Variants in KCNIP4 observed in about 807,000 individuals in gnomAD.
KCNIP4 encodes potassium voltage-gated channel interacting protein 4, also known as Kv channel-interacting protein 4.
A neutral mutation model predicts 34.0 loss-of-function variants in KCNIP4; 12 were observed. The ratio of observed to expected loss-of-function variants is 0.35; its 90% CI spans 0.23 to 0.57. KCNIP4 has a LOEUF of 0.57. Among genes scored for constraint, KCNIP4 ranks in the 20% least tolerant of loss-of-function variants. The pLI is 0.83. For missense variants in KCNIP4, 238 were observed against 311.7 expected (o/e 0.76, Z 1.78); for synonymous variants, 124 against 102.2 (o/e 1.21, Z -1.29).
At chr4:21,630,572 T>G (rs1411081988) in intron 1 of KCNIP4, among the ~76,000 whole-genome samples, 1 of 152,204 alleles carries the variant, frequency 6.6e-6, no homozygotes, top group East Asian at 1.9e-4. Context: ...TCTGCTTTTT[T>G]CTCTTTCCCC....
intron 1 of KCNIP4, among the ~76,000 whole-genome samples, chr4:21,222,917 G>C (rs1758085051): frequency 6.6e-6 from 1 of 152,184 alleles, no homozygotes; most frequent in Non-Finnish European, 1.5e-5. Flanking sequence ...AAGTTTTCAG[G>C]CATTGTGGTG....
chr4:21,460,273 T>G (rs565470827), intron 1 of KCNIP4, among the ~76,000 whole-genome samples: 22 of 152,136 alleles, frequency 1.4e-4, no homozygotes, highest in African/African-American at 4.8e-4. Context: ...ATTCATGGTT[T>G]TTCTCTCACC....
intron 1 of KCNIP4, among the ~76,000 whole-genome samples, chr4:21,723,569 A>G (rs1445030849): frequency 6.6e-6 from 1 of 152,110 alleles, no homozygotes; most frequent in Non-Finnish European, 1.5e-5. Flanking sequence ...AGACAAGGTT[A>G]AAAAAGCACA....
At chr4:21,059,897 C>A (rs1489696016) in intron 1 of KCNIP4, among the ~76,000 whole-genome samples, 1 of 151,864 alleles carries the variant, frequency 6.6e-6, no homozygotes, top group Non-Finnish European at 1.5e-5. Flanking sequence ...TGAAACCTGG[C>A]CCTTGTCTTA....
chr4:21,096,061 ACTAT>A (rs1462877007), intron 1 of KCNIP4, among the ~76,000 whole-genome samples: 1 of 152,160 alleles, frequency 6.6e-6, no homozygotes, highest in Non-Finnish European at 1.5e-5. Context: ...AAACCCACAA[ACTAT>A]CTGGGGAGAT....
rs551182752 is a variant in KCNIP4 at position 21,822,911 on chromosome 4, G to T, written c.61+125660C>A. Among the ~76,000 whole-genome samples, 39 of 151,914 alleles carry T rather than the reference G, an allele frequency of 2.6e-4. No individual in the cohort carries two copies. In the Middle Eastern group the frequency reaches 0.01, roughly 40 times the overall value. ...TTTTGTAGTTTTAGTAGAGACAGGGGTTTCACCATGTTGGCCAGGCTGGTC... is the reference window on the plus strand; with the variant it reads ...TTTTGTAGTTTTAGTAGAGACAGGGTTTTCACCATGTTGGCCAGGCTGGTC... On this transcript the variant is annotated intron_variant, in intron 1 of 8. Coordinates refer to ENST00000382152, the MANE Select transcript of KCNIP4 (RefSeq NM_025221.6).
chr4:20,753,838 A>G (rs995091035), intron 4 of KCNIP4, among the ~76,000 whole-genome samples: 1 of 152,178 alleles, frequency 6.6e-6, no homozygotes, highest in Admixed American at 6.5e-5. Context: ...CATCTGACTC[A>G]AGTGACTTGC....
Position 21,870,959 on chromosome 4 carries a change from G to GA in KCNIP4, c.61+77611dup, listed in dbSNP as rs1213462942. Reference sequence around the variant, plus strand: ...AGCTAACTAAATTCAAATCGAGTAAGAAAAAAATACCAAATACTAGTAAAG... The same window carrying GA: ...AGCTAACTAAATTCAAATCGAGTAAGAAAAAAAATACCAAATACTAGTAAAG... On this transcript the variant is annotated intron_variant, in intron 1 of 8. Transcript: ENST00000382152. Among the ~76,000 whole-genome samples the GA allele has an allele frequency of 2.0e-5, 3 of 151,694 alleles. No individual in the cohort carries two copies. In the East Asian group the frequency reaches 5.8e-4, roughly 29 times the overall value.
intron 1 of KCNIP4, among the ~76,000 whole-genome samples, chr4:21,383,587 G>C (rs1262177776): frequency 6.6e-6 from 1 of 151,928 alleles, no homozygotes; most frequent in African/African-American, 2.4e-5. Context: ...CAGGATGACA[G>C]TGTGAGGATC....
intron 1 of KCNIP4, among the ~76,000 whole-genome samples, chr4:21,212,210 A>G (rs76485027): frequency 0.014 from 2,154 of 152,318 alleles, 55 homozygotes; most frequent in African/African-American, 0.049. Context: ...AAGAAACTGC[A>G]CTATGAGAAG....
intron 1 of KCNIP4, among the ~76,000 whole-genome samples, chr4:21,167,184 A>T (rs1038995763): frequency 6.6e-6 from 1 of 152,102 alleles, no homozygotes; most frequent in South Asian, 2.1e-4. Flanking sequence ...TAGAAAACAG[A>T]CCCATGTTTT....
chr4:20,979,655 C>T (rs1735876988), intron 1 of KCNIP4, among the ~76,000 whole-genome samples: 2 of 152,012 alleles, frequency 1.3e-5, no homozygotes, highest in South Asian at 2.1e-4. Flanking sequence ...GCCTCGGCCT[C>T]CCAAAGTGCT....
At chr4:21,341,300 C>A (rs956382465) in intron 1 of KCNIP4, among the ~76,000 whole-genome samples, 4 of 152,044 alleles carry the variant, frequency 2.6e-5, no homozygotes, top group South Asian at 2.1e-4. Flanking sequence ...TTTTTTACAG[C>A]AGCCTAGGAA....
intron 1 of KCNIP4, among the ~76,000 whole-genome samples, chr4:21,637,803 A>C (rs1375037440): frequency 7.1e-6 from 1 of 141,838 alleles, no homozygotes; most frequent in Non-Finnish European, 1.5e-5. Flanking sequence ...AAAAAAAAAA[A>C]AGATGAGAAA....
Position 21,454,142 on chromosome 4 carries a change from T to C in KCNIP4, c.61+494429A>G, listed in dbSNP as rs568482982. Among the ~76,000 whole-genome samples, 14 of 152,204 alleles carry C rather than the reference T, an allele frequency of 9.2e-5. No homozygotes were observed. The East Asian group carries it at 2.7e-3, about 30-fold the overall frequency. On this transcript the variant is annotated intron_variant, in intron 1 of 8. Coordinates refer to ENST00000382152, the MANE Select transcript of KCNIP4 (RefSeq NM_025221.6). ...AGAATCTCACAGGGTAAGGCACCTC[T>C]ATCATTAAGCTAAAAATCCCATTTT... is the stretch of plus-strand genomic sequence containing the variant.
intron 1 of KCNIP4, among the ~76,000 whole-genome samples, chr4:21,809,748 T>C (rs1450952208): frequency 6.6e-6 from 1 of 152,200 alleles, no homozygotes; most frequent in East Asian, 1.9e-4. Context: ...ACTCTACACA[T>C]GAACTTTACA....
At chr4:21,267,919 G>A (rs939601587) in intron 1 of KCNIP4, among the ~76,000 whole-genome samples, 2 of 151,596 alleles carry the variant, frequency 1.3e-5, no homozygotes, top group African/African-American at 4.9e-5. Flanking sequence ...GTTTCAGAAG[G>A]AATGGTACCA....
At chr4:21,774,933 A>G (rs1440132196) in intron 1 of KCNIP4, among the ~76,000 whole-genome samples, 1 of 152,136 alleles carries the variant, frequency 6.6e-6, no homozygotes, top group East Asian at 1.9e-4. Context: ...CCATCTTCTG[A>G]AGCCTACTTC....
intron 1 of KCNIP4, among the ~76,000 whole-genome samples, chr4:21,585,584 A>G (rs952548893): frequency 6.6e-6 from 1 of 152,100 alleles, no homozygotes; most frequent in Non-Finnish European, 1.5e-5. Context: ...TTAAATGCCA[A>G]ACTGATAGAT....
Sources: allele counts gnomAD v4.1 joint callset (sites outside exome capture counted in the v4.1 genomes callset), GRCh38; gene constraint gnomAD v4.1.1; transcripts MANE v1.5; gene names NCBI Gene and HGNC (gene_info 2026-07-23, HGNC 2026-07-21).